The following GAREM1 variants were observed in gnomAD, a reference collection of about 807,000 sequenced individuals.
GAREM1 encodes the protein GRB2 associated regulator of MAPK1 subtype 1, also known as GRB2-associated and regulator of MAPK protein 1.
GAREM1 carries 26 observed loss-of-function variants against 71.3 expected under a neutral mutation model. That is an observed-to-expected ratio of 0.36 (90% CI 0.27 to 0.51). The LOEUF is 0.51. Among genes scored for constraint, GAREM1 ranks in the 20% least tolerant of loss-of-function variants. The pLI is 0.95. For missense variants in GAREM1, 1,026 were observed against 1,103.1 expected (o/e 0.93, Z 0.99); for synonymous variants, 440 against 433.2 (o/e 1.02, Z -0.20).
chr18:32,445,158 T>C (rs1196109172), intron 1 of GAREM1, among the ~76,000 whole-genome samples: 3 of 152,106 alleles, frequency 2.0e-5, no homozygotes, highest in Non-Finnish European at 4.4e-5. Flanking sequence ...TCATCTTACT[T>C]TTCCACTCCC....
At chr18:32,307,559 G>A (rs2047268616) in intron 3 of GAREM1, among the ~76,000 whole-genome samples, 1 of 152,116 alleles carries the variant, frequency 6.6e-6, no homozygotes, top group East Asian at 1.9e-4. Flanking sequence ...GTCTCACTCT[G>A]TCGCTAAGGC....
intron 2 of GAREM1, among the ~76,000 whole-genome samples, chr18:32,362,976 T>C (rs2047881109): frequency 6.6e-6 from 1 of 152,340 alleles, no homozygotes; most frequent in Non-Finnish European, 1.5e-5. Context: ...TTAATTTATA[T>C]ACCTTTATAT....
intron 3 of GAREM1, among the ~76,000 whole-genome samples, chr18:32,304,751 G>A (rs887605810): frequency 2.0e-5 from 3 of 152,090 alleles, no homozygotes; most frequent in Non-Finnish European, 4.4e-5. Context: ...CTTGTGACCC[G>A]CCCATGGTCA....
At chr18:32,427,116 T>C (rs1568007246) in intron 1 of GAREM1, among the ~76,000 whole-genome samples, 1 of 152,172 alleles carries the variant, frequency 6.6e-6, no homozygotes, top group Non-Finnish European at 1.5e-5. Context: ...CCATGGTAGT[T>C]TCTGGGAGCT....
In GAREM1 at chr18:32,335,632, T is replaced by C. The variant is rs117516200; in HGVS notation, c.263-25309A>G. ...CAATACCCACTGCAGATTTAATGAGTTGTCCTGATTTGAACTACATGTATC... is the reference window on the plus strand; with the variant it reads ...CAATACCCACTGCAGATTTAATGAGCTGTCCTGATTTGAACTACATGTATC... On this transcript the variant is annotated intron_variant, in intron 2 of 5. Coordinates refer to ENST00000269209, the MANE Select transcript of GAREM1 (RefSeq NM_001242409.2). Among the ~76,000 whole-genome samples the C allele has an allele frequency of 5.3e-5, 8 of 152,320 alleles. No individual in the cohort carries two copies. In the East Asian group the frequency reaches 7.7e-4, roughly 15 times the overall value.
chr18:32,283,992 A>G (rs2046981916), intron 4 of GAREM1, among the ~76,000 whole-genome samples: 1 of 152,202 alleles, frequency 6.6e-6, no homozygotes, highest in South Asian at 2.1e-4. Flanking sequence ...GGCTGGACAC[A>G]TGGCACATCT....
intron 2 of GAREM1, among the ~76,000 whole-genome samples, chr18:32,374,863 T>C (rs2048017505): frequency 6.6e-6 from 1 of 152,186 alleles, no homozygotes; most frequent in South Asian, 2.1e-4. Context: ...AGCAGATATA[T>C]GTATAAGGTA....
intron 2 of GAREM1, among the ~76,000 whole-genome samples, chr18:32,380,127 A>T (rs1253757194): frequency 6.6e-6 from 1 of 152,160 alleles, no homozygotes; most frequent in Non-Finnish European, 1.5e-5. Context: ...AATGTCGATT[A>T]ATAATCTGTG....
At position 32,265,547 on chromosome 18, in the gene GAREM1, T is replaced by TGATACTAGACTGTAGC. The variant is rs1275509487; in HGVS notation, c.*2308_*2323dup. 4 of 152,212 alleles carry TGATACTAGACTGTAGC rather than the reference T, an allele frequency of 2.6e-5. No individual in the cohort carries two copies. The highest frequency in any genetic ancestry group is 9.7e-5 in the African/African-American group (4 of 41,448). The allele number at this position is 152,212 out of a possible 1,614,324, so 9.4% of individuals were successfully genotyped here. Reference sequence around the variant, plus strand: ...CTGTGTCTTTTACTCAGCACTGTAGTGATACTAGACTGTAGCATAAGTGAA... The same window carrying TGATACTAGACTGTAGC: ...CTGTGTCTTTTACTCAGCACTGTAGTGATACTAGACTGTAGCGATACTAGACTGTAGCATAAGTGAA... On this transcript the variant is annotated 3_prime_UTR_variant, in exon 6 of 6. Coordinates refer to ENST00000269209, the MANE Select transcript of GAREM1 (RefSeq NM_001242409.2).
At chr18:32,375,910 T>C (rs1280411547) in intron 2 of GAREM1, among the ~76,000 whole-genome samples, 4 of 152,298 alleles carry the variant, frequency 2.6e-5, no homozygotes, top group African/African-American at 4.8e-5. Flanking sequence ...TCCACTGCTA[T>C]AATCACTGCT....
chr18:32,422,111 G>GTATATCTCC (rs1285301177), intron 1 of GAREM1, among the ~76,000 whole-genome samples: 2 of 151,902 alleles, frequency 1.3e-5, no homozygotes, highest in Non-Finnish European at 2.9e-5. Context: ...TTAACATTAG[G>GTATATCTCC]TATATCTCCT....
chr18:32,353,741 A>G (rs949197758), intron 2 of GAREM1, among the ~76,000 whole-genome samples: 2 of 152,232 alleles, frequency 1.3e-5, no homozygotes, highest in Non-Finnish European at 2.9e-5. Context: ...GTTTCATGAA[A>G]TAATTCTATG....
At chr18:32,465,810 C>T (rs1897889879) in intron 1 of GAREM1, among the ~76,000 whole-genome samples, 2 of 152,218 alleles carry the variant, frequency 1.3e-5, no homozygotes, top group Non-Finnish European at 2.9e-5. Flanking sequence ...CTTGGGTCCA[C>T]GCTTGCGTTG....
intron 3 of GAREM1, among the ~76,000 whole-genome samples, chr18:32,301,855 AT>A (rs1276891992): frequency 8.5e-5 from 13 of 152,154 alleles, no homozygotes; most frequent in Non-Finnish European, 1.2e-4. Flanking sequence ...GCAAGATTTT[AT>A]TTTTTAAATA....
At chr18:32,364,238 T>C (rs1381927148) in intron 2 of GAREM1, among the ~76,000 whole-genome samples, 1 of 151,048 alleles carries the variant, frequency 6.6e-6, no homozygotes, top group East Asian at 2.0e-4. Context: ...TTTGACCATG[T>C]TGGCCAGGCT....
chr18:32,350,590 C>T (rs1300717330), intron 2 of GAREM1, among the ~76,000 whole-genome samples: 2 of 121,454 alleles, frequency 1.6e-5, no homozygotes, highest in East Asian at 5.2e-4. Flanking sequence ...AGACTAAAAA[C>T]AAGACCCCTT....
At chr18:32,353,658 AT>A (rs1169213662) in intron 2 of GAREM1, among the ~76,000 whole-genome samples, 2 of 152,238 alleles carry the variant, frequency 1.3e-5, no homozygotes, top group Admixed American at 6.5e-5. Context: ...AAGATGAGTC[AT>A]AAAAGGAGAA....
intron 1 of GAREM1, among the ~76,000 whole-genome samples, chr18:32,444,547 T>A (rs1457737286): frequency 6.6e-6 from 1 of 152,164 alleles, no homozygotes; most frequent in East Asian, 1.9e-4. Flanking sequence ...TGGGAGTCAC[T>A]AGAAATTTCA....
chr18:32,353,331 T>C (rs1255419620), intron 2 of GAREM1, among the ~76,000 whole-genome samples: 1 of 152,236 alleles, frequency 6.6e-6, no homozygotes, highest in Non-Finnish European at 1.5e-5. Flanking sequence ...GATCCTACTT[T>C]TATTTCTTAG....
Sources: gnomAD v4.1 joint callset for allele counts (sites outside exome capture counted in the v4.1 genomes callset) on GRCh38, gnomAD v4.1.1 for gene constraint, MANE v1.5 for transcripts, NCBI Gene and HGNC (gene_info 2026-07-23, HGNC 2026-07-21) for gene names.